SGSM1: variants seen among roughly 807,000 people sequenced by gnomAD.
SGSM1 encodes the protein RUN and TBC1 domain containing 2.
SGSM1 carries 73 observed loss-of-function variants against 133.8 expected under a neutral mutation model. That is an observed-to-expected ratio of 0.55 (90% CI 0.45 to 0.66). The LOEUF is 0.66. Among genes scored for constraint, SGSM1 ranks in the 30% least tolerant of loss-of-function variants. The pLI is 0.00. For synonymous variants in SGSM1, 563 were observed against 573.0 expected (o/e 0.98, Z 0.25); for missense variants, 1,213 against 1,448.1 (o/e 0.84, Z 2.64).
At chr22:24,891,411 A>G (rs1932812201) in intron 16 of SGSM1, among the ~76,000 whole-genome samples, 1 of 152,176 alleles carries the variant, frequency 6.6e-6, no homozygotes, top group Admixed American at 6.5e-5. Flanking sequence ...AAGTGTGGGA[A>G]GCATAGGAGC....
At chr22:24,812,232 G>C (rs1601880884) in intron 2 of SGSM1, among the ~76,000 whole-genome samples, 1 of 152,070 alleles carries the variant, frequency 6.6e-6, no homozygotes, top group African/African-American at 2.4e-5. Context: ...GTGTTTGCTG[G>C]GGGCTTCTGG....
intron 16 of SGSM1, among the ~76,000 whole-genome samples, chr22:24,889,346 T>C (rs1193961784): frequency 6.6e-6 from 1 of 152,118 alleles, no homozygotes; most frequent in Non-Finnish European, 1.5e-5. Context: ...GGTCCCCAAC[T>C]TCCAACGGTT....
chr22:24,918,987 C>T (rs1287160695), intron 23 of SGSM1, among the ~76,000 whole-genome samples: 1 of 151,554 alleles, frequency 6.6e-6, no homozygotes, highest in Middle Eastern at 3.4e-3. Context: ...GTGATCCACC[C>T]ACCTCAGCCT....
rs542041236 is a variant in SGSM1 at position 24,811,876 on chromosome 22, A to AAC, written c.63+5393_63+5394insCA. Among the ~76,000 whole-genome samples the AAC allele has an allele frequency of 6.2e-3, 934 of 150,596 alleles. 20 individuals are homozygous for AAC. Among genetic ancestry groups the AAC allele is most frequent in the African/African-American group, 0.022 (894 of 40,924 alleles). ...AGAGCGAGACCCTGTCTCAAAAAAA[A>AAC]AAAAAAAAATTATGACCAGGCATGG... On this transcript the variant is annotated intron_variant, in intron 2 of 24. Transcript: ENST00000400358.
intron 12 of SGSM1, among the ~76,000 whole-genome samples, chr22:24,874,226 C>T (rs1239373746): frequency 6.6e-6 from 1 of 152,218 alleles, no homozygotes; most frequent in Non-Finnish European, 1.5e-5. Context: ...GCCTGACACT[C>T]AGCGCATAGT....
At chr22:24,901,758 AT>A (rs1303376172) in intron 19 of SGSM1, 74 bp from the exon 20 acceptor site, 10 of 1,521,982 alleles carry the variant, frequency 6.6e-6, no homozygotes, top group Non-Finnish European at 8.9e-6. Flanking sequence ...AGGAGATAGG[AT>A]TGCTGCTTTC....
At chr22:24,885,784 G>A (rs1207879719) in intron 15 of SGSM1, among the ~76,000 whole-genome samples, 2 of 152,140 alleles carry the variant, frequency 1.3e-5, no homozygotes, top group African/African-American at 2.4e-5. Context: ...TCTGTGTTGC[G>A]TACCCGTGTA....
At chr22:24,896,160 A>C (rs776999055) in intron 18 of SGSM1, among the ~76,000 whole-genome samples, 5 of 152,138 alleles carry the variant, frequency 3.3e-5, no homozygotes, top group South Asian at 2.1e-4. Flanking sequence ...ATTTTTGAGA[A>C]TGGTATGAGG....
chr22:24,838,282 G>A (rs1018839661), intron 2 of SGSM1, among the ~76,000 whole-genome samples: 4 of 152,208 alleles, frequency 2.6e-5, no homozygotes, highest in African/African-American at 7.2e-5. Context: ...TATTGCCAAG[G>A]AAGAAGGGTT....
At chr22:24,886,370 C>T (rs1932599847) in intron 15 of SGSM1, among the ~76,000 whole-genome samples, 2 of 146,126 alleles carry the variant, frequency 1.4e-5, no homozygotes, top group Admixed American at 7.0e-5. Context: ...CACTGCACTA[C>T]AGCCTGGGTG....
intron 16 of SGSM1, 96 bp downstream of exon 16, chr22:24,886,824 G>T: frequency 7.1e-7 from 1 of 1,416,860 alleles, no homozygotes; most frequent in Non-Finnish European, 9.4e-7. Context: ...GACCAAGGAA[G>T]GGGAGGGAGA....
intron 19 of SGSM1, among the ~76,000 whole-genome samples, chr22:24,900,766 C>T (rs1219176307): frequency 1.3e-5 from 2 of 152,228 alleles, no homozygotes; most frequent in African/African-American, 4.8e-5. Flanking sequence ...AACTGAGGCC[C>T]TGATGGCTCT....
chr22:24,909,108 G>T (rs1284709521), intron 21 of SGSM1, among the ~76,000 whole-genome samples: 2 of 152,096 alleles, frequency 1.3e-5, no homozygotes, highest in African/African-American at 4.8e-5. Flanking sequence ...GCATGTGAGG[G>T]GTCTAGGTTG....
intron 17 of SGSM1, 33 bp downstream of exon 17, chr22:24,893,646 G>C (rs774148436): frequency 6.6e-7 from 1 of 1,521,986 alleles, no homozygotes; most frequent in South Asian, 1.3e-5. Flanking sequence ...GAGCGCGGGG[G>C]CTGGGGAAGG....
intron 16 of SGSM1, among the ~76,000 whole-genome samples, chr22:24,889,939 C>T (rs1339710183): frequency 2.0e-5 from 3 of 149,660 alleles, no homozygotes; most frequent in African/African-American, 7.4e-5. Context: ...GCGTGAGCCA[C>T]CGGGCCTGGC....
At chr22:24,869,756 A>G (rs1256039082) in intron 12 of SGSM1, among the ~76,000 whole-genome samples, 1 of 152,184 alleles carries the variant, frequency 6.6e-6, no homozygotes, top group East Asian at 1.9e-4. Context: ...AGGCACTGGC[A>G]CATGAGATGG....
chr22:24,840,504 C>T (rs747573416), intron 2 of SGSM1, among the ~76,000 whole-genome samples: 9 of 151,776 alleles, frequency 5.9e-5, no homozygotes, highest in South Asian at 2.1e-4. Context: ...CCATCATGTC[C>T]GGCTAATTTT....
At chr22:24,903,087 A>C (rs1305856981) in intron 20 of SGSM1, among the ~76,000 whole-genome samples, 2 of 152,178 alleles carry the variant, frequency 1.3e-5, no homozygotes, top group Non-Finnish European at 2.9e-5. Context: ...AGTTCATAAG[A>C]TAGAAAGAGA....
At chr22:24,849,187 G>A (rs1930313529) in intron 4 of SGSM1, among the ~76,000 whole-genome samples, 1 of 151,456 alleles carries the variant, frequency 6.6e-6, no homozygotes, top group South Asian at 2.1e-4. Context: ...GGGCCCTGGA[G>A]ATACAGAAAT....
Sources: gnomAD v4.1 joint callset for allele counts (sites outside exome capture counted in the v4.1 genomes callset) on GRCh38, gnomAD v4.1.1 for gene constraint, MANE v1.5 for transcripts, NCBI Gene and HGNC (gene_info 2026-07-23, HGNC 2026-07-21) for gene names.